Variants in RANBP2 observed in about 807,000 individuals in gnomAD.
RANBP2 encodes RAN binding protein 2.
A neutral mutation model predicts 303.6 loss-of-function variants in RANBP2; 57 were observed. That is an observed-to-expected ratio of 0.19 (90% CI 0.15 to 0.23). RANBP2 has a LOEUF of 0.23. RANBP2 is among the 10% of genes least tolerant of loss of function. RANBP2 has a pLI of 1.00. For synonymous variants in RANBP2, 1,167 were observed against 1,301.5 expected (o/e 0.90, Z 2.23); for missense variants, 3,138 against 3,780.8 (o/e 0.83, Z 4.46).
chr2:109,225,129 C>T, the RANBP2 span, among the ~76,000 whole-genome samples: 5 of 152,034 alleles, frequency 3.3e-5, no homozygotes, highest in African/African-American at 1.2e-4. Flanking sequence ...CCCTTAAATT[C>T]CCTGGCCTCA....
At chr2:109,108,287 C>T in the RANBP2 span, among the ~76,000 whole-genome samples, 8 of 152,204 alleles carry the variant, frequency 5.3e-5, no homozygotes, top group Non-Finnish European at 7.3e-5. Context: ...TATCCGCCTG[C>T]CTCAGCCTCC....
intron 4 of RANBP2, among the ~76,000 whole-genome samples, chr2:108,732,149 C>T (rs968908662): frequency 6.6e-6 from 1 of 151,962 alleles, no homozygotes; most frequent in Non-Finnish European, 1.5e-5. Flanking sequence ...TGTATATTTG[C>T]CTTTAGCCTC....
the RANBP2 span, among the ~76,000 whole-genome samples, chr2:109,276,599 C>T: frequency 6.6e-6 from 1 of 152,198 alleles, no homozygotes; most frequent in African/African-American, 2.4e-5. Context: ...AACTAAATGG[C>T]ATGCTTATTA....
the RANBP2 span, chr2:108,897,100 C>T: frequency 3.1e-6 from 5 of 1,614,162 alleles, no homozygotes; most frequent in Admixed American, 3.3e-5. Context: ...AATCTCATCC[C>T]TCTTCAGGCC....
chr2:109,298,576 G>A, the RANBP2 span, among the ~76,000 whole-genome samples: 1 of 152,208 alleles, frequency 6.6e-6, no homozygotes, highest in South Asian at 2.1e-4. Context: ...CCCTGCAGGA[G>A]GATGAGCCCC....
the RANBP2 span, chr2:108,912,885 G>A: frequency 1.3e-6 from 1 of 783,482 alleles, no homozygotes; most frequent in African/African-American, 1.7e-5. Context: ...GATGGCTGAG[G>A]GGAGCTAAAT....
At chr2:109,085,893 C>A in the RANBP2 span, among the ~76,000 whole-genome samples, 1 of 152,178 alleles carries the variant, frequency 6.6e-6, no homozygotes, top group Non-Finnish European at 1.5e-5. Context: ...GTGTGAGCCA[C>A]CACACCTGGC....
the RANBP2 span, among the ~76,000 whole-genome samples, chr2:109,693,191 T>C: frequency 6.6e-6 from 1 of 151,846 alleles, no homozygotes; most frequent in Non-Finnish European, 1.5e-5. Context: ...ATTTTTTTAT[T>C]TTTTGAGAGG....
At chr2:108,822,651 T>G in the RANBP2 span, among the ~76,000 whole-genome samples, 3 of 152,170 alleles carry the variant, frequency 2.0e-5, no homozygotes, top group Admixed American at 6.5e-5. Flanking sequence ...AGGATAACTA[T>G]AAAATCCACA....
At chr2:109,055,885 G>A in the RANBP2 span, among the ~76,000 whole-genome samples, 2 of 149,666 alleles carry the variant, frequency 1.3e-5, no homozygotes, top group African/African-American at 4.9e-5. Flanking sequence ...TCAGCCTCCC[G>A]AGTAGCTGGG....
At chr2:109,105,712 G>A in the RANBP2 span, among the ~76,000 whole-genome samples, 7,580 of 151,696 alleles carry the variant, frequency 0.05, 279 homozygotes, top group East Asian at 0.12. Context: ...GCGCCACCAC[G>A]CCCAGCTAAT....
chr2:109,151,752 T>G, the RANBP2 span, among the ~76,000 whole-genome samples: 1 of 152,234 alleles, frequency 6.6e-6, no homozygotes, highest in East Asian at 1.9e-4. Flanking sequence ...ATCAGACCAC[T>G]TCAGATATCA....
chr2:108,943,677 T>C, the RANBP2 span, among the ~76,000 whole-genome samples: 1 of 152,110 alleles, frequency 6.6e-6, no homozygotes, highest in African/African-American at 2.4e-5. Context: ...GTGTGTTGAG[T>C]AACAGCAGCC....
At chr2:108,881,984 AAG>A in the RANBP2 span, among the ~76,000 whole-genome samples, 2 of 152,030 alleles carry the variant, frequency 1.3e-5, no homozygotes, top group Non-Finnish European at 2.9e-5. Context: ...TTTCTACAAA[AAG>A]AGCAAAAACA....
At chr2:109,732,283 C>G in the RANBP2 span, among the ~76,000 whole-genome samples, 5 of 152,136 alleles carry the variant, frequency 3.3e-5, no homozygotes, top group African/African-American at 1.2e-4. Flanking sequence ...GAAAATGTAT[C>G]AAGTTTATTG....
At chr2:109,023,887 T>C in the RANBP2 span, among the ~76,000 whole-genome samples, 1 of 152,152 alleles carries the variant, frequency 6.6e-6, no homozygotes, top group East Asian at 1.9e-4. Flanking sequence ...TTCAAGGTAA[T>C]GTACCTGCAT....
chr2:109,675,436 C>T, the RANBP2 span, among the ~76,000 whole-genome samples: 1 of 152,152 alleles, frequency 6.6e-6, no homozygotes, highest in Non-Finnish European at 1.5e-5. Flanking sequence ...AATCCCAGCA[C>T]TTTGGGAGGC....
chr2:108,936,093 G>A, the RANBP2 span, among the ~76,000 whole-genome samples: 88 of 152,336 alleles, frequency 5.8e-4, no homozygotes, highest in South Asian at 1.2e-3. Flanking sequence ...TCCAGCCTCC[G>A]GGACTTCCCA....
the RANBP2 span, among the ~76,000 whole-genome samples, chr2:109,187,884 C>T: frequency 6.6e-6 from 1 of 152,216 alleles, no homozygotes; most frequent in Non-Finnish European, 1.5e-5. Flanking sequence ...CTGCCGCCGT[C>T]ACCGTGGGTG....
Sources: gnomAD v4.1 joint callset for allele counts (sites outside exome capture counted in the v4.1 genomes callset) on GRCh38, gnomAD v4.1.1 for gene constraint, MANE v1.5 for transcripts, NCBI Gene and HGNC (gene_info 2026-07-23, HGNC 2026-07-21) for gene names.